Variants in C3orf20 observed in about 807,000 individuals in gnomAD.
C3orf20 encodes the protein family with sequence similarity 149 member C, also known as uncharacterized protein C3orf20.
Under a neutral mutation model 88.3 loss-of-function variants are expected in C3orf20, and 76 were observed. The observed-to-expected ratio is 0.86, with a 90% confidence interval of 0.72 to 1.04. The LOEUF (loss-of-function observed/expected upper bound fraction) is 1.04, where lower values mean the gene tolerates loss of function less well. Among genes scored for constraint, C3orf20 ranks in the 50% least tolerant of loss-of-function variants. The probability of loss-of-function intolerance (pLI) is 0.00; values close to 1 mark genes in which losing one functional copy is unlikely to be tolerated. For missense variants in C3orf20, 1,056 were observed against 1,123.3 expected, an observed-to-expected ratio of 0.94 and a Z score of 0.86; for synonymous variants, 436 against 437.4, an observed-to-expected ratio of 1.00 and a Z score of 0.04.
chr3:14,680,973 C>T (rs1321663735), intron 1 of C3orf20, among the ~76,000 whole-genome samples: 1 of 152,234 alleles, frequency 6.6e-6, no homozygotes, highest in Non-Finnish European at 1.5e-5. Context: ...AGGAGGTCAA[C>T]AAATAGGCGT....
At chr3:14,728,838 A>G (rs972080776) in intron 12 of C3orf20, 150 bp downstream of exon 12, 2 of 741,638 alleles carry the variant, frequency 2.7e-6, no homozygotes, top group Admixed American at 2.8e-5. Context: ...TGAATAAATG[A>G]TATAATTTTA....
chr3:14,701,737 G>T lies in C3orf20; in HGVS notation c.746-1393G>T, dbSNP rs941366587. Among the ~76,000 whole-genome samples the T allele has an allele frequency of 6.6e-6, 1 of 152,138 alleles. No individual in the cohort carries two copies. The highest frequency in any genetic ancestry group is 2.4e-5 in the African/African-American group (1 of 41,418). On this transcript the variant is annotated intron_variant, in intron 5 of 16. Transcript: ENST00000253697. This position sits in a 1 kb window ranked among gnomAD's most constrained non-coding sequence, Gnocchi z 4.6. ...GATTGAGAAGAAATAGAGACTTTGTGTCTTTAATCAGGTGAATCAAAAGGG... is the reference window on the plus strand; with the variant it reads ...GATTGAGAAGAAATAGAGACTTTGTTTCTTTAATCAGGTGAATCAAAAGGG...
intron 5 of C3orf20, among the ~76,000 whole-genome samples, chr3:14,695,007 T>C (rs931796718): frequency 2.0e-5 from 3 of 152,172 alleles, no homozygotes; most frequent in Non-Finnish European, 4.4e-5. Flanking sequence ...ACCAGGCTGG[T>C]CTTGAACTTC....
At chr3:14,677,785 G>A (rs575480514) in intron 1 of C3orf20, among the ~76,000 whole-genome samples, 3 of 152,256 alleles carry the variant, frequency 2.0e-5, no homozygotes, top group East Asian at 3.9e-4. Context: ...ACAGGTGTGG[G>A]CCACCATGCC....
At chr3:14,725,752 G>A (rs1212824333) in intron 10 of C3orf20, among the ~76,000 whole-genome samples, 1 of 151,972 alleles carries the variant, frequency 6.6e-6, no homozygotes, top group Non-Finnish European at 1.5e-5. Context: ...CTTGCCACTT[G>A]AGGATTAAAT....
chr3:14,725,678 A>G (rs1300529477), intron 10 of C3orf20, among the ~76,000 whole-genome samples: 1 of 152,334 alleles, frequency 6.6e-6, no homozygotes, highest in East Asian at 1.9e-4. Context: ...TGCCTTCAGC[A>G]TAAAGAAGGA....
chr3:14,695,868 A>T (rs771093468), intron 5 of C3orf20, among the ~76,000 whole-genome samples: 2 of 151,374 alleles, frequency 1.3e-5, no homozygotes, highest in South Asian at 4.2e-4. Context: ...TTTTCAGTTT[A>T]TGTGCGTCTT....
chr3:14,721,172 T>G (rs1357210465), intron 9 of C3orf20, among the ~76,000 whole-genome samples: 2 of 152,216 alleles, frequency 1.3e-5, no homozygotes, highest in African/African-American at 4.8e-5. Flanking sequence ...CTGGGTCCTC[T>G]TTGACCTCTT....
At chr3:14,704,300 A>G in intron 6 of C3orf20, 37 bp from the exon 7 acceptor site, 2 of 1,606,296 alleles carry the variant, frequency 1.2e-6, no homozygotes, top group Non-Finnish European at 1.7e-6. Context: ...CTTGAGAACC[A>G]AAAGGCTAGA....
chr3:14,727,212 G>A (rs2034382525), intron 11 of C3orf20, among the ~76,000 whole-genome samples, 188 bp downstream of exon 11: 1 of 152,146 alleles, frequency 6.6e-6, no homozygotes, highest in Admixed American at 6.5e-5. Flanking sequence ...GGTCACTTAA[G>A]GCCACACAGC....
chr3:14,718,099 C>T (rs2034006061), intron 9 of C3orf20, among the ~76,000 whole-genome samples: 1 of 152,102 alleles, frequency 6.6e-6, no homozygotes, highest in African/African-American at 2.4e-5. Context: ...GGGGAATCTT[C>T]TAAATCTTCT....
intron 5 of C3orf20, among the ~76,000 whole-genome samples, chr3:14,690,882 A>G (rs538044467): frequency 6.6e-6 from 1 of 152,360 alleles, no homozygotes; most frequent in Non-Finnish European, 1.5e-5. Context: ...TGACTCCCAC[A>G]GACACTGGAG....
chr3:14,719,559 TC>T (rs1239069988), intron 9 of C3orf20, among the ~76,000 whole-genome samples: 3 of 152,174 alleles, frequency 2.0e-5, no homozygotes, highest in African/African-American at 4.8e-5. Flanking sequence ...GCCATATCTC[TC>T]TGGGCTACTG....
chr3:14,730,708 T>G (rs2034516584), intron 12 of C3orf20, among the ~76,000 whole-genome samples: 1 of 152,212 alleles, frequency 6.6e-6, no homozygotes, highest in Admixed American at 6.5e-5. Context: ...TATGTTCAGC[T>G]TCTAGTACAG....
intron 11 of C3orf20, among the ~76,000 whole-genome samples, 164 bp downstream of exon 11, chr3:14,727,188 T>TC (rs2034381528): frequency 6.6e-6 from 1 of 152,136 alleles, no homozygotes; most frequent in African/African-American, 2.4e-5. Flanking sequence ...CCATTTTAGG[T>TC]CCCACTGGGC....
chr3:14,771,838 G>T (rs952190971), intron 15 of C3orf20, among the ~76,000 whole-genome samples: 18 of 152,208 alleles, frequency 1.2e-4, no homozygotes, highest in African/African-American at 4.1e-4. Context: ...TGTTGGGGGT[G>T]CGAGTGTAGC....
chr3:14,726,909 C>T lies in C3orf20; in HGVS notation c.1575C>T (p.Arg525=). ...HGMAYDKRLN[R]RISNMDDKVY... Reference sequence around the variant, plus strand: ...CCTTTGCCCCTCTCCAGCTGAACCGCAGAATCAGCAACATGGACGACAAGG... The same window carrying T: ...CCTTTGCCCCTCTCCAGCTGAACCGTAGAATCAGCAACATGGACGACAAGG... Residue 525 remains arginine, a synonymous_variant, in exon 11 of 17, where the codon CGC becomes CGT. Coordinates refer to ENST00000253697, the MANE Select transcript of C3orf20 (RefSeq NM_032137.5). 6.2e-7 allele frequency: 1 copy of T among 1,614,044 alleles called. No homozygotes were observed. The highest frequency in any genetic ancestry group is 1.1e-5 in the South Asian group (1 of 91,068).
rs952437373 is a variant in C3orf20, at chr3:14,757,338, G to A, written c.1941-33G>A. 3 of 1,576,086 alleles carry A rather than the reference G, an allele frequency of 1.9e-6. No homozygotes were observed. The African/African-American group carries it at 4.1e-5, about 21-fold the overall frequency. ...GAACCACAGACCTTCACCACCTTCT[G>A]AGGGTCCCTGTGCACTGTGCTCCTC... On this transcript the variant is annotated intron_variant, in intron 12 of 16. Transcript: ENST00000253697.
At chr3:14,732,079 C>G (rs1238962900) in intron 12 of C3orf20, among the ~76,000 whole-genome samples, 1 of 152,130 alleles carries the variant, frequency 6.6e-6, no homozygotes, top group Non-Finnish European at 1.5e-5. Context: ...AACTGTCTTC[C>G]CAAGTAGCTG....
Sources: gnomAD v4.1 joint callset for allele counts (sites outside exome capture counted in the v4.1 genomes callset) on GRCh38, gnomAD v4.1.1 for gene constraint, Gnocchi (gnomAD v3.1) non-coding constraint, MANE v1.5 for transcripts, NCBI Gene and HGNC (gene_info 2026-07-23, HGNC 2026-07-21) for gene names.